The following CSMD1 variants were observed in gnomAD, a reference collection of about 807,000 sequenced individuals.
The protein encoded by CSMD1 is CUB and sushi domain-containing protein 1.
In CSMD1, 213 loss-of-function variants were observed where a neutral mutation model predicts 417.5. The observed-to-expected ratio is 0.51, with a 90% CI of 0.46 to 0.57. CSMD1 has a LOEUF of 0.57. Among genes scored for constraint, CSMD1 ranks in the 20% least tolerant of loss-of-function variants. The pLI, the probability that CSMD1 is intolerant of heterozygous loss-of-function variation, is 0.00. For synonymous variants in CSMD1, 2,862 were observed against 1,736.8 expected (o/e 1.65, Z -16.11); for missense variants, 6,923 against 4,529.7 (o/e 1.53, Z -15.17).
chr8:3,453,428 T>C (rs1815884755), intron 12 of CSMD1, among the ~76,000 whole-genome samples: 1 of 152,194 alleles, frequency 6.6e-6, no homozygotes, highest in Non-Finnish European at 1.5e-5. Context: ...AGATCTTGCC[T>C]GCTTTCTCTT....
chr8:4,418,803 C>G (rs764290240), intron 3 of CSMD1, among the ~76,000 whole-genome samples: 1 of 152,034 alleles, frequency 6.6e-6, no homozygotes, highest in African/African-American at 2.4e-5. Flanking sequence ...TTGATAGTAA[C>G]GTACTTAAAG....
chr8:3,379,379 T>A (rs28845202), intron 18 of CSMD1, among the ~76,000 whole-genome samples: 2 of 152,238 alleles, frequency 1.3e-5, no homozygotes, highest in Non-Finnish European at 2.9e-5. Context: ...ACTTTCTTCA[T>A]TGAATTAGAA....
chr8:3,798,532 A>G (rs1800286417), intron 5 of CSMD1, among the ~76,000 whole-genome samples: 1 of 152,090 alleles, frequency 6.6e-6, no homozygotes, highest in African/African-American at 2.4e-5. Context: ...GACAGCAAAG[A>G]TCATATGAAA....
intron 33 of CSMD1, among the ~76,000 whole-genome samples, chr8:3,197,347 C>A (rs893723801): frequency 2.8e-4 from 42 of 151,968 alleles, no homozygotes; most frequent in Non-Finnish European, 1.2e-4. Context: ...CCTACAACCA[C>A]GGAAGACATA....
chr8:4,070,919 G>C (rs1038558222), intron 3 of CSMD1, among the ~76,000 whole-genome samples: 2 of 152,138 alleles, frequency 1.3e-5, no homozygotes, highest in African/African-American at 4.8e-5. Flanking sequence ...TAATGATGTT[G>C]TTTTCTATGG....
At chr8:3,598,155 C>T (rs1801181535) in intron 8 of CSMD1, 1 of 152,110 alleles carries the variant, frequency 6.6e-6, no homozygotes, top group African/African-American at 2.4e-5. Context: ...CTAAGTAGGA[C>T]CAAGCCAATC....
At chr8:4,271,866 G>T (rs1027409698) in intron 3 of CSMD1, among the ~76,000 whole-genome samples, 2 of 152,082 alleles carry the variant, frequency 1.3e-5, no homozygotes, top group Non-Finnish European at 2.9e-5. Context: ...TGCATTCCAC[G>T]ATGCATACAG....
chr8:4,331,767 T>G (rs950764785), intron 3 of CSMD1, among the ~76,000 whole-genome samples: 1 of 152,186 alleles, frequency 6.6e-6, no homozygotes, highest in African/African-American at 2.4e-5. Flanking sequence ...ATGTGCCAAG[T>G]CTTCCCAGGA....
chr8:4,250,864 G>C (rs936869096), intron 3 of CSMD1, among the ~76,000 whole-genome samples: 2 of 152,164 alleles, frequency 1.3e-5, no homozygotes, highest in African/African-American at 2.4e-5. Context: ...ACTATTTACA[G>C]GGTATTCCTA....
chr8:4,923,709 G>A (rs1327703991), intron 1 of CSMD1, among the ~76,000 whole-genome samples: 1 of 152,056 alleles, frequency 6.6e-6, no homozygotes, highest in Non-Finnish European at 1.5e-5. Flanking sequence ...ATCAGTGCTT[G>A]GGAGTTAGCA....
intron 2 of CSMD1, among the ~76,000 whole-genome samples, chr8:4,452,806 T>TC (rs1799229152): frequency 6.7e-6 from 1 of 149,632 alleles, no homozygotes; most frequent in East Asian, 2.0e-4. Flanking sequence ...ATAACAAAAA[T>TC]CCCCCAGTCC....
At chr8:4,022,361 A>G (rs2740930) in intron 4 of CSMD1, among the ~76,000 whole-genome samples, 1 of 151,784 alleles carries the variant, frequency 6.6e-6, no homozygotes, top group Non-Finnish European at 1.5e-5. Context: ...CATACTTAAA[A>G]TCATGAAGCA....
chr8:3,931,747 G>C (rs1257001333), intron 5 of CSMD1, among the ~76,000 whole-genome samples: 2 of 148,870 alleles, frequency 1.3e-5, no homozygotes, highest in African/African-American at 5.0e-5. Context: ...ATCCACACCA[G>C]AGGAAACAAG....
At chr8:3,704,028 G>A (rs150206330) in intron 7 of CSMD1, among the ~76,000 whole-genome samples, 1,575 of 152,240 alleles carry the variant, frequency 0.01, 32 homozygotes, top group African/African-American at 0.036. Flanking sequence ...CTGAGATCCT[G>A]CCACTGCACT....
chr8:3,653,108 A>G lies in CSMD1; in HGVS notation c.1010-36311T>C, dbSNP rs74731085. Among the ~76,000 whole-genome samples the G allele has an allele frequency of 3.2e-3, 485 of 152,242 alleles. 3 individuals carry two copies. The highest frequency in any genetic ancestry group is 0.011 in the African/African-American group (455 of 41,568). ...AACGTCATGCTTCCAGCCTCCATGC[A>G]TATGCTTTATTAATTGAAAGCCCTA... On this transcript the variant is annotated intron_variant, in intron 7 of 69. Coordinates refer to ENST00000635120, the MANE Select transcript of CSMD1 (RefSeq NM_033225.6).
At chr8:4,685,467 C>A (rs960454049) in intron 1 of CSMD1, among the ~76,000 whole-genome samples, 2 of 151,772 alleles carry the variant, frequency 1.3e-5, no homozygotes, top group African/African-American at 2.4e-5. Flanking sequence ...CCCAGCTACC[C>A]GGGAGGCTGA....
chr8:4,510,119 A>G (rs1412990561), intron 2 of CSMD1, among the ~76,000 whole-genome samples: 1 of 152,006 alleles, frequency 6.6e-6, no homozygotes, highest in Admixed American at 6.6e-5. Flanking sequence ...GGTTGTATAA[A>G]GGGGAGTTCT....
At chr8:3,265,194 A>T (rs544806758) in intron 26 of CSMD1, among the ~76,000 whole-genome samples, 1 of 152,216 alleles carries the variant, frequency 6.6e-6, no homozygotes, top group Non-Finnish European at 1.5e-5. Context: ...CTAAAAAATA[A>T]GAATCAGAAA....
At chr8:4,966,203 A>C (rs1299925598) in intron 1 of CSMD1, among the ~76,000 whole-genome samples, 1 of 129,714 alleles carries the variant, frequency 7.7e-6, no homozygotes, top group East Asian at 2.4e-4. Context: ...GTCTCTACTA[A>C]ATATACAAAA....
Sources: allele counts gnomAD v4.1 joint callset (sites outside exome capture counted in the v4.1 genomes callset), GRCh38; gene constraint gnomAD v4.1.1; transcripts MANE v1.5; gene names NCBI Gene and HGNC (gene_info 2026-07-23, HGNC 2026-07-21).